GSAP: variants seen among roughly 807,000 people sequenced by gnomAD.
GSAP encodes the protein gamma-secretase activating protein, also known as gamma-secretase-activating protein.
A neutral mutation model predicts 131.7 loss-of-function variants in GSAP; 118 were observed. The ratio of observed to expected loss-of-function variants is 0.90; its 90% CI spans 0.77 to 1.04. The LOEUF is 1.04. Ranked by LOEUF, GSAP falls within the 50% of genes least tolerant of loss-of-function variation. The probability of loss-of-function intolerance (pLI) is 0.00; values close to 1 mark genes in which losing one functional copy is unlikely to be tolerated. For missense variants in GSAP, 1,019 were observed against 1,013.2 expected (o/e 1.01, Z -0.08); for synonymous variants, 381 against 363.4 (o/e 1.05, Z -0.55).
At chr7:77,344,703 C>T (rs563401590) in intron 19 of GSAP, among the ~76,000 whole-genome samples, 14 of 152,244 alleles carry the variant, frequency 9.2e-5, no homozygotes, top group South Asian at 2.1e-4. Context: ...TCTTTGCTGA[C>T]GGGGTACACT....
At chr7:77,340,376 G>A (rs928112150) in intron 19 of GSAP, among the ~76,000 whole-genome samples, 6 of 152,106 alleles carry the variant, frequency 3.9e-5, no homozygotes, top group African/African-American at 1.4e-4. Flanking sequence ...GACATTTGGT[G>A]CCGAAGACCC....
At position 77,321,395 on chromosome 7, in the gene GSAP, G is replaced by A. The variant is rs1787626072; in HGVS notation, c.1932C>T (p.Leu644=). 6.2e-7 allele frequency: 1 copy of A among 1,602,510 alleles called. No homozygotes were observed. The highest frequency in any genetic ancestry group is 8.6e-7 in the Non-Finnish European group (1 of 1,169,538). The change falls in exon 25 of 31, where the codon CTC becomes CTT. Residue 644 remains leucine, a synonymous_variant. Transcript: ENST00000257626. The part of the protein sequence containing the change: ...VLDYISKLLD[L]ICHIVETNWR... Reference sequence around the variant, plus strand: ...AATTGGTTTCTACGATGTGGCAAATGAGATCCAGCTGGAGGGTGAAGACAG... The same window carrying A: ...AATTGGTTTCTACGATGTGGCAAATAAGATCCAGCTGGAGGGTGAAGACAG...
At chr7:77,319,655 T>C (rs11768786) in intron 26 of GSAP, among the ~76,000 whole-genome samples, 67,855 of 152,058 alleles carry the variant, frequency 0.45, 16,736 homozygotes, top group African/African-American at 0.66. Context: ...CCTAAATGTC[T>C]ACTGACAGAT....
chr7:77,402,224 G>A (rs886691412), intron 3 of GSAP, among the ~76,000 whole-genome samples: 3 of 150,908 alleles, frequency 2.0e-5, no homozygotes, highest in Admixed American at 6.6e-5. Flanking sequence ...TCCTCATGGT[G>A]GCACCTTTCC....
At chr7:77,388,271 G>A (rs950789885) in intron 5 of GSAP, among the ~76,000 whole-genome samples, 1 of 152,192 alleles carries the variant, frequency 6.6e-6, no homozygotes, top group South Asian at 2.1e-4. Flanking sequence ...CAAACACAGT[G>A]CGATTCTCTG....
In GSAP at chr7:77,314,228, T is replaced by C. The variant is rs536358751; in HGVS notation, c.2209+142A>G. On this transcript the variant is annotated intron_variant, in intron 27 of 30. Transcript: ENST00000257626. Reference sequence around the variant, plus strand: ...TCAAATACTACTAAGAATTTCAAGATGTAATGCAGCATTAAACTGAGCAGG... The same window carrying C: ...TCAAATACTACTAAGAATTTCAAGACGTAATGCAGCATTAAACTGAGCAGG... The C allele has an allele frequency of 6.1e-5, 46 of 748,206 alleles. No homozygotes were observed. In the East Asian group the frequency reaches 1.1e-3, roughly 18 times the overall value. The allele number at this position is 748,206 out of a possible 1,614,324, so 46.3% of individuals were successfully genotyped here.
intron 5 of GSAP, among the ~76,000 whole-genome samples, chr7:77,387,959 C>G (rs2151075166): frequency 6.6e-6 from 1 of 152,324 alleles, no homozygotes; most frequent in South Asian, 2.1e-4. Context: ...TAACGGGTTT[C>G]TAATGGATAT....
At chr7:77,330,589 T>C in intron 19 of GSAP, 1 of 1,098,850 alleles carries the variant, frequency 9.1e-7, no homozygotes, top group Non-Finnish European at 1.1e-6. Flanking sequence ...TTTTTTTTTT[T>C]TTTTGTCGTT....
At chr7:77,412,336 T>C (rs1476173316) in intron 1 of GSAP, among the ~76,000 whole-genome samples, 1 of 152,116 alleles carries the variant, frequency 6.6e-6, no homozygotes, top group Non-Finnish European at 1.5e-5. Flanking sequence ...TTAAAAAAAA[T>C]TGGACTCCTA....
At chr7:77,332,791 A>G (rs1167225675) in intron 19 of GSAP, among the ~76,000 whole-genome samples, 6 of 152,250 alleles carry the variant, frequency 3.9e-5, no homozygotes, top group Admixed American at 3.9e-4. Flanking sequence ...TATTAGATAT[A>G]TCTATAATAT....
chr7:77,326,631 C>A (rs984853460), intron 22 of GSAP: 3 of 168,088 alleles, frequency 1.8e-5, no homozygotes, highest in Non-Finnish European at 3.9e-5. Flanking sequence ...GAACAGCGCT[C>A]GGTGGAAGGA....
chr7:77,381,377 G>A (rs894289730), intron 7 of GSAP, 23 bp from the exon 8 acceptor site: 19 of 1,336,036 alleles, frequency 1.4e-5, no homozygotes, highest in Non-Finnish European at 1.9e-5. Context: ...AACAAAGAAA[G>A]ATAATTTAAC....
intron 6 of GSAP, among the ~76,000 whole-genome samples, chr7:77,385,191 G>A (rs944615557): frequency 8.6e-5 from 13 of 151,858 alleles, no homozygotes; most frequent in African/African-American, 2.2e-4. Flanking sequence ...ATACCACCAC[G>A]CCCAGCTAAT....
chr7:77,382,646 G>A lies in GSAP; in HGVS notation c.457-3C>T, dbSNP rs199755746. The stretch of plus-strand genomic sequence containing the variant: ...CTTTCAATATGTGGGTAGAGAAACT[G>A]TAAAAAAGAAATTAATCATAATTGT... On this transcript the variant is annotated splice_region_variant and splice_polypyrimidine_tract_variant and intron_variant, in intron 6 of 30. Coordinates refer to ENST00000257626, the MANE Select transcript of GSAP (RefSeq NM_017439.4). 4 of 1,493,740 alleles carry A rather than the reference G, an allele frequency of 2.7e-6. No individual in the cohort carries two copies. The highest frequency in any genetic ancestry group is 3.7e-6 in the Non-Finnish European group (4 of 1,070,758). The allele number at this position is 1,493,740 out of a possible 1,614,324, so 92.5% of individuals were successfully genotyped here.
rs1563012694 is a variant in GSAP at position 77,355,450 on chromosome 7, CAGT to C, written c.1121-23_1121-21del. 3 of 1,190,364 alleles carry C rather than the reference CAGT, an allele frequency of 2.5e-6. No homozygotes were observed. The highest frequency in any genetic ancestry group is 3.2e-5 in the African/African-American group (2 of 61,732). The allele number at this position is 1,190,364 out of a possible 1,614,324, so 73.7% of individuals were successfully genotyped here. A position where few individuals can be genotyped will look rare whatever the true frequency, so the allele number is the denominator to read the frequency against. The stretch of plus-strand genomic sequence containing the variant: ...TATTTCCTGGCAAAAAAAAAAAAAA[CAGT>C]AGATCAGCAAATAGAAGAAACTCCT... On this transcript the variant is annotated intron_variant, in intron 15 of 30. Coordinates refer to ENST00000257626, the MANE Select transcript of GSAP (RefSeq NM_017439.4).
intron 12 of GSAP, among the ~76,000 whole-genome samples, chr7:77,367,828 T>A (rs1413203094): frequency 6.6e-6 from 1 of 152,176 alleles, no homozygotes; most frequent in Non-Finnish European, 1.5e-5. Context: ...ATCCATCAGA[T>A]CCTGAGCTTT....
chr7:77,347,982 C>T (rs1792160724), intron 19 of GSAP, among the ~76,000 whole-genome samples: 1 of 141,662 alleles, frequency 7.1e-6, no homozygotes, highest in Non-Finnish European at 1.6e-5. Context: ...AAGACCCCAT[C>T]TCTACAAAAA....
At chr7:77,416,357 C>T (rs1425773565), upstream of GSAP, 12 of 1,273,408 alleles carry the variant, frequency 9.4e-6, no homozygotes, top group Non-Finnish European at 1.3e-5. Context: ...TCTGGGGCCC[C>T]GCACCGCGGG....
At chr7:77,329,698 TAGAGC>T (rs1052230651) in intron 20 of GSAP, 2 of 189,304 alleles carry the variant, frequency 1.1e-5, no homozygotes, top group Non-Finnish European at 2.2e-5. Flanking sequence ...CTTACCTAAC[TAGAGC>T]ACAATATCAA....
Sources: gnomAD v4.1 joint callset for allele counts (sites outside exome capture counted in the v4.1 genomes callset) on GRCh38, gnomAD v4.1.1 for gene constraint, MANE v1.5 for transcripts, NCBI Gene and HGNC (gene_info 2026-07-23, HGNC 2026-07-21) for gene names.